Variants in SLC7A6OS observed in about 807,000 individuals in gnomAD.
The protein encoded by SLC7A6OS is probable RNA polymerase II nuclear localization protein SLC7A6OS.
SLC7A6OS carries 22 observed loss-of-function variants against 34.3 expected under a neutral mutation model. That is an observed-to-expected ratio of 0.64 (90% CI 0.46 to 0.92). SLC7A6OS has a LOEUF of 0.92. Ranked by LOEUF, SLC7A6OS falls within the 40% of genes least tolerant of loss-of-function variation. SLC7A6OS has a pLI of 0.00. For missense variants in SLC7A6OS, 434 were observed against 407.7 expected (o/e 1.06, Z -0.56); for synonymous variants, 199 against 165.0 (o/e 1.21, Z -1.58).
intron 2 of SLC7A6OS, among the ~76,000 whole-genome samples, chr16:68,306,467 T>C (rs1316841273): frequency 2.0e-5 from 3 of 152,168 alleles, no homozygotes; most frequent in South Asian, 2.1e-4. Flanking sequence ...TCCACCCACC[T>C]TGGCCTCCCA....
rs751371070 is a variant in SLC7A6OS, at chr16:68,310,817, G to A, written c.110C>T (p.Ser37Leu). Residue 37 changes from serine (S) to leucine (L), a missense_variant, in exon 1 of 5, where the codon TCA (serine) becomes TTA (leucine). Ser to Leu is a moderately radical substitution (Grantham distance 145, BLOSUM62 -2). Coordinates refer to ENST00000263997, the MANE Select transcript of SLC7A6OS (RefSeq NM_032178.3). ...CKRLRSDAVE[S>L]AAQKTSEGLE... Reference sequence around the variant, plus strand: ...ACCCTCCGACGTCTTCTGTGCCGCTGACTCGACCGCGTCGCTCCGGAGGCG... The same window carrying A: ...ACCCTCCGACGTCTTCTGTGCCGCTAACTCGACCGCGTCGCTCCGGAGGCG... 36 of 1,613,678 alleles carry A rather than the reference G, an allele frequency of 2.2e-5. No individual in the cohort carries two copies. The highest frequency in any genetic ancestry group is 1.3e-5 in the African/African-American group (1 of 74,948).
chr16:68,300,589 T>C lies in SLC7A6OS; in HGVS notation c.*686A>G. 1 of 979,978 alleles carries C rather than the reference T, an allele frequency of 1.0e-6. No homozygotes were observed. Among genetic ancestry groups the C allele is most frequent in the Non-Finnish European group, 1.2e-6 (1 of 824,956 alleles). 60.7% of individuals were successfully genotyped at this position (979,978 alleles called of 1,614,324 possible). On this transcript the variant is annotated 3_prime_UTR_variant, in exon 5 of 5. Transcript: ENST00000263997. Reference sequence around the variant, plus strand: ...GCTCCCTGTTTTAGATATTCAGATTTAAAAGGTTTTCAAAGAATTACTTTC... The same window carrying C: ...GCTCCCTGTTTTAGATATTCAGATTCAAAAGGTTTTCAAAGAATTACTTTC...
intron 2 of SLC7A6OS, among the ~76,000 whole-genome samples, chr16:68,306,280 G>A (rs190873737): frequency 2.0e-5 from 3 of 152,090 alleles, no homozygotes; most frequent in African/African-American, 4.8e-5. Context: ...GTGCAATGGC[G>A]TGATCTCAGC....
chr16:68,310,898 C>T lies in SLC7A6OS; in HGVS notation c.29G>A (p.Arg10Gln), dbSNP rs1398429165. Residue 10 changes from arginine (R) to glutamine (Q), a missense_variant, in exon 1 of 5, where the codon CGG (arginine) becomes CAG (glutamine). Arg to Gln is a conservative substitution (Grantham distance 43). Transcript: ENST00000263997. MEAARTAVL[R>Q]VKRKRSAEPA... Reference sequence around the variant, plus strand: ...CTCCGCACTGCGCTTCCGCTTCACCCGGAGTACAGCGGTCCTGGCGGCCTC... The same window carrying T: ...CTCCGCACTGCGCTTCCGCTTCACCTGGAGTACAGCGGTCCTGGCGGCCTC... 3.8e-6 allele frequency: 6 copies of T among 1,596,590 alleles called. No individual in the cohort carries two copies. The African/African-American group carries it at 4.0e-5, about 11-fold the overall frequency.
Position 68,300,617 on chromosome 16 carries a change from C to T in SLC7A6OS, c.*658G>A. The T allele has an allele frequency of 1.0e-6, 1 of 985,280 alleles. No homozygotes were observed. Among genetic ancestry groups the T allele is most frequent in the Non-Finnish European group, 1.2e-6 (1 of 829,800 alleles). The allele number at this position is 985,280 out of a possible 1,614,324, so 61.0% of individuals were successfully genotyped here. On this transcript the variant is annotated 3_prime_UTR_variant, in exon 5 of 5. Transcript: ENST00000263997. ...AAGGTTTTCAAAGAATTACTTTCTT[C>T]CATGTTCAAAGCTAGATTTTACTAA...
In SLC7A6OS at chr16:68,310,920, C is replaced by G; in HGVS notation, c.7G>C (p.Ala3Pro). The change falls in exon 1 of 5, where the codon GCC (alanine) becomes CCC (proline). Residue 3 changes from alanine to proline, a missense_variant. Coordinates refer to ENST00000263997, the MANE Select transcript of SLC7A6OS (RefSeq NM_032178.3). Reference sequence around the variant, plus strand: ...ACCCGGAGTACAGCGGTCCTGGCGGCCTCCATAGTGGCTGCCGCTGAGCAC... The same window carrying G: ...ACCCGGAGTACAGCGGTCCTGGCGGGCTCCATAGTGGCTGCCGCTGAGCAC... MEAARTAVLRVKR... is the reference protein window; with the variant it reads MEPARTAVLRVKR... 1 of 1,581,558 alleles carries G rather than the reference C, an allele frequency of 6.3e-7. No homozygotes were observed. Among genetic ancestry groups the G allele is most frequent in the Non-Finnish European group, 8.6e-7 (1 of 1,167,852 alleles).
At chr16:68,302,193 T>G in intron 4 of SLC7A6OS, 188 bp downstream of exon 4, 1 of 629,374 alleles carries the variant, frequency 1.6e-6, no homozygotes, top group Non-Finnish European at 2.8e-6. Context: ...GCCTGATGGA[T>G]TATTACACCC....
rs907076824 is a variant in SLC7A6OS, at chr16:68,304,057, G to T, written c.647C>A (p.Ser216Tyr). 1.9e-6 allele frequency: 3 copies of T among 1,613,760 alleles called. No individual in the cohort carries two copies. In the South Asian group the frequency reaches 3.3e-5, roughly 18 times the overall value. Reference sequence around the variant, plus strand: ...CCATTCTTGGCTGTAGGGCTGCACGGAGAGGATGTTCTCAATCCAGCCTGG... The same window carrying T: ...CCATTCTTGGCTGTAGGGCTGCACGTAGAGGATGTTCTCAATCCAGCCTGG... ...ATPGWIENIL[S>Y]VQPYSQEWEL... Residue 216 changes from serine (S) to tyrosine (Y), a missense_variant, in exon 3 of 5, where the codon TCC (serine) becomes TAC (tyrosine). By Grantham distance (144) the Ser-to-Tyr change is moderately radical. Transcript: ENST00000263997.
At chr16:68,303,748 C>T (rs569887666) in intron 3 of SLC7A6OS, 70 of 382,780 alleles carry the variant, frequency 1.8e-4, no homozygotes, top group Middle Eastern at 6.9e-4. Flanking sequence ...ACATATTTCC[C>T]CCCTAAGAAT....
Position 68,307,702 on chromosome 16 carries a change from C to G in SLC7A6OS, c.471+2633G>C, listed in dbSNP as rs548632069. Among the ~76,000 whole-genome samples, 3 of 152,244 alleles carry G rather than the reference C, an allele frequency of 2.0e-5. No homozygotes were observed. In the South Asian group the frequency reaches 6.2e-4, roughly 32 times the overall value. ...TTTAATCATTGCCTTGCCAGCATTG[C>G]TATCAACTACTTTTTTCCTGCTAGT... On this transcript the variant is annotated intron_variant, in intron 2 of 4. Transcript: ENST00000263997.
At chr16:68,307,938 C>G (rs1364845794) in intron 2 of SLC7A6OS, among the ~76,000 whole-genome samples, 1 of 152,068 alleles carries the variant, frequency 6.6e-6, no homozygotes, top group Non-Finnish European at 1.5e-5. Context: ...TTTTGCTCTT[C>G]TCGCCCAGGC....
At chr16:68,309,171 T>C (rs185908779) in intron 2 of SLC7A6OS, among the ~76,000 whole-genome samples, 101 of 152,118 alleles carry the variant, frequency 6.6e-4, no homozygotes, top group Admixed American at 1.9e-3. Context: ...CACAGCTCAC[T>C]GCAATCTCTA....
intron 2 of SLC7A6OS, among the ~76,000 whole-genome samples, chr16:68,305,313 T>A (rs2043318988): frequency 6.6e-6 from 1 of 152,238 alleles, no homozygotes; most frequent in African/African-American, 2.4e-5. Context: ...ATTGACATCC[T>A]ACTTTTAACC....
Position 68,299,912 on chromosome 16 carries a change from A to G in SLC7A6OS, c.*1363T>C, listed in dbSNP as rs1211717858. 6.6e-6 allele frequency: 1 copy of G among 152,248 alleles called. No individual in the cohort carries two copies. The highest frequency in any genetic ancestry group is 1.5e-5 in the Non-Finnish European group (1 of 68,042). 9.4% of individuals were successfully genotyped at this position (152,248 alleles called of 1,614,324 possible). A position where few individuals can be genotyped will look rare whatever the true frequency, so the allele number is the denominator to read the frequency against. On this transcript the variant is annotated 3_prime_UTR_variant, in exon 5 of 5. Transcript: ENST00000263997. ...GGTTGAACAACTCCATGTAGATAAG[A>G]GCAAGTGTAGGCAAAGGTTTAGAAA...
rs114952690 is a variant in SLC7A6OS at position 68,306,124 on chromosome 16, A to G, written c.472-1892T>C. Among the ~76,000 whole-genome samples the G allele has an allele frequency of 2.5e-3, 377 of 152,244 alleles. 3 individuals carry two copies. Among genetic ancestry groups the G allele is most frequent in the African/African-American group, 8.6e-3 (357 of 41,534 alleles). On this transcript the variant is annotated intron_variant, in intron 2 of 4. Coordinates refer to ENST00000263997, the MANE Select transcript of SLC7A6OS (RefSeq NM_032178.3). ...GAATTTTGTACTCAGAAGGAAATAA[A>G]CCAGTTCTATTCTACCTACTTTTGG...
At chr16:68,308,583 C>T (rs998440710) in intron 2 of SLC7A6OS, among the ~76,000 whole-genome samples, 15 of 151,914 alleles carry the variant, frequency 9.9e-5, no homozygotes, top group Non-Finnish European at 2.1e-4. Flanking sequence ...GCCGAGATCG[C>T]GCCACTGCAC....
chr16:68,301,545 A>G, intron 4 of SLC7A6OS, 140 bp from the exon 5 acceptor site: 3 of 642,548 alleles, frequency 4.7e-6, no homozygotes, highest in Non-Finnish European at 4.8e-6. Context: ...AAGAATATAG[A>G]ATTCTTTTTT....
intron 2 of SLC7A6OS, among the ~76,000 whole-genome samples, chr16:68,307,294 A>C (rs183661929): frequency 6.6e-6 from 1 of 152,364 alleles, no homozygotes; most frequent in Admixed American, 6.5e-5. Context: ...GTCAATCAAC[A>C]GTAGCATTTG....
At chr16:68,307,187 A>G (rs905865324) in intron 2 of SLC7A6OS, among the ~76,000 whole-genome samples, 1 of 152,246 alleles carries the variant, frequency 6.6e-6, no homozygotes, top group African/African-American at 2.4e-5. Flanking sequence ...CTGCATTTGA[A>G]AAGTATCTCA....
Sources: gnomAD v4.1 joint callset for allele counts (sites outside exome capture counted in the v4.1 genomes callset) on GRCh38, gnomAD v4.1.1 for gene constraint, MANE v1.5 for transcripts, NCBI Gene and HGNC (gene_info 2026-07-23, HGNC 2026-07-21) for gene names.